CFAP54: variants seen among roughly 807,000 people sequenced by gnomAD.
The protein encoded by CFAP54 is cilia and flagella associated protein 54, also known as cilia- and flagella-associated protein 54.
In CFAP54, 290 loss-of-function variants were observed where a neutral mutation model predicts 370.4. The ratio of observed to expected loss-of-function variants is 0.78; its 90% CI spans 0.71 to 0.86. The LOEUF is 0.86. Ranked by LOEUF, CFAP54 falls within the 40% of genes least tolerant of loss-of-function variation. CFAP54 has a pLI of 0.00. For missense variants in CFAP54, 3,399 were observed against 3,528.7 expected (o/e 0.96, Z 0.93); for synonymous variants, 1,206 against 1,236.5 (o/e 0.98, Z 0.52).
rs75807875 is a variant in CFAP54, at chr12:96,592,915, G to A, written c.3360+278G>A. The stretch of plus-strand genomic sequence containing the variant: ...ATATATAATGTATAAAGTGAAACCC[G>A]TTGTAATCTTATTACCTCTAAGAAT... On this transcript the variant is annotated intron_variant, in intron 24 of 67. Coordinates refer to ENST00000524981, the MANE Select transcript of CFAP54 (RefSeq NM_001306084.2). 2.0e-5 allele frequency among the ~76,000 whole-genome samples: 3 copies of A among 151,946 alleles called. No homozygotes were observed. In the East Asian group the frequency reaches 5.8e-4, roughly 29 times the overall value.
intron 28 of CFAP54, 113 bp from the exon 29 acceptor site, chr12:96,625,605 G>C (rs1330246239): frequency 1.7e-6 from 1 of 574,758 alleles, no homozygotes. Flanking sequence ...AGAATAAATA[G>C]TATTTTCCTG....
chr12:96,639,573 A>G (rs2136485824), intron 32 of CFAP54, among the ~76,000 whole-genome samples: 1 of 152,358 alleles, frequency 6.6e-6, no homozygotes, highest in East Asian at 1.9e-4. Context: ...TCCCTAACTC[A>G]TTTTATGAGG....
intron 13 of CFAP54, among the ~76,000 whole-genome samples, chr12:96,539,088 T>TTTTTTTTTG (rs1955542493): frequency 6.8e-6 from 1 of 147,752 alleles, no homozygotes. Context: ...GTTTTTGTTT[T>TTTTTTTTTG]TGAGATGGAG....
intron 36 of CFAP54, among the ~76,000 whole-genome samples, chr12:96,656,309 CT>C (rs1221607135): frequency 3.9e-5 from 6 of 151,952 alleles, no homozygotes; most frequent in South Asian, 2.1e-4. Flanking sequence ...CTCCCCCCCC[CT>C]CCCCTTTTGG....
chr12:96,835,033 C>T lies in CFAP54; in HGVS notation c.9171+5945C>T, dbSNP rs766116587. ...CTTCTCTGCAGGCAGGTTGTCCTGT[C>T]GTCTCTGCAACTCTCAGCAGAGAGG... On this transcript the variant is annotated intron_variant, in intron 66 of 67. Coordinates refer to ENST00000524981, the MANE Select transcript of CFAP54 (RefSeq NM_001306084.2). 2.2e-3 allele frequency among the ~76,000 whole-genome samples: 337 copies of T among 152,014 alleles called. 1 individual carries two copies. The highest frequency in any genetic ancestry group is 5.3e-3 in the Admixed American group (81 of 15,276).
intron 9 of CFAP54, among the ~76,000 whole-genome samples, chr12:96,529,773 A>G (rs543557827): frequency 6.6e-6 from 1 of 152,208 alleles, no homozygotes; most frequent in South Asian, 2.1e-4. Flanking sequence ...TTCTTACTTG[A>G]TGGCTTGCCT....
intron 4 of CFAP54, among the ~76,000 whole-genome samples, chr12:96,507,534 T>TACACACACACACAC (rs34776926): frequency 6.3e-4 from 88 of 140,700 alleles, no homozygotes; most frequent in African/African-American, 2.2e-3. Context: ...CACACACACA[T>TACACACACACACAC]ACACACACAC....
chr12:96,845,345 C>T lies in CFAP54; in HGVS notation c.9172-15474C>T, dbSNP rs541120165. ...CACTAAATTAAATCTTCATGCCTGTCGTGGCTCCTGCATTGAGCCACCCAA... is the reference window on the plus strand; with the variant it reads ...CACTAAATTAAATCTTCATGCCTGTTGTGGCTCCTGCATTGAGCCACCCAA... On this transcript the variant is annotated intron_variant, in intron 66 of 67. Transcript: ENST00000524981. 2.6e-5 allele frequency among the ~76,000 whole-genome samples: 4 copies of T among 152,318 alleles called. No homozygotes were observed. In the East Asian group the frequency reaches 5.8e-4, roughly 22 times the overall value.
chr12:96,589,315 G>A lies in CFAP54; in HGVS notation c.3076-112G>A, dbSNP rs573890879. On this transcript the variant is annotated intron_variant, in intron 22 of 67. Transcript: ENST00000524981. ...GTGAATGATTGTATCTGAAATGAGC[G>A]TGTGATAGCACCTTATAAAATGCTG... 6.1e-4 allele frequency: 509 copies of A among 840,602 alleles called. 1 individual carries two copies. The African/African-American group carries it at 7.5e-3, about 12-fold the overall frequency. 52.1% of individuals were successfully genotyped at this position (840,602 alleles called of 1,614,324 possible). A position where few individuals can be genotyped will look rare whatever the true frequency, so the allele number is the denominator to read the frequency against.
At chr12:96,503,213 C>G (rs1469205185) in intron 2 of CFAP54, among the ~76,000 whole-genome samples, 1 of 145,212 alleles carries the variant, frequency 6.9e-6, no homozygotes. Context: ...TTCTTCCTTT[C>G]CTTTCCTTTT....
chr12:96,616,446 G>A lies in CFAP54; in HGVS notation c.3640-5144G>A, dbSNP rs188970283. Among the ~76,000 whole-genome samples, 986 of 152,226 alleles carry A rather than the reference G, an allele frequency of 6.5e-3. 10 individuals carry two copies. The highest frequency in any genetic ancestry group is 7.7e-3 in the Non-Finnish European group (526 of 68,004). ...TTAATGGGCGCAGCACACCAACATG[G>A]CACATGTAGACATACATAACAAAAC... On this transcript the variant is annotated intron_variant, in intron 26 of 67. Transcript: ENST00000524981.
intron 50 of CFAP54, among the ~76,000 whole-genome samples, chr12:96,733,525 C>T (rs1299930665): frequency 3.7e-5 from 5 of 133,738 alleles, no homozygotes; most frequent in Admixed American, 8.1e-5. Flanking sequence ...CTGCCTCTTT[C>T]TTTCAAAATC....
At chr12:96,571,476 C>G (rs112600249) in intron 19 of CFAP54, among the ~76,000 whole-genome samples, 37 of 152,134 alleles carry the variant, frequency 2.4e-4, no homozygotes, top group African/African-American at 8.7e-4. Context: ...AGTTACTGAA[C>G]CTTTCTAATT....
At chr12:96,626,688 A>C in intron 29 of CFAP54, 125 bp from the exon 30 acceptor site, 1 of 460,670 alleles carries the variant, frequency 2.2e-6, no homozygotes, top group Non-Finnish European at 3.6e-6. Flanking sequence ...TTTAAAATGG[A>C]GAAATCTAAA....
chr12:96,874,500 G>A (rs1211912097), intron 67 of CFAP54, among the ~76,000 whole-genome samples: 2 of 151,798 alleles, frequency 1.3e-5, no homozygotes, highest in Non-Finnish European at 2.9e-5. Flanking sequence ...TTAATATCAG[G>A]TTGCTTTTTT....
intron 32 of CFAP54, among the ~76,000 whole-genome samples, chr12:96,643,038 T>C (rs1215653691): frequency 2.6e-5 from 4 of 152,140 alleles, no homozygotes; most frequent in Non-Finnish European, 4.4e-5. Context: ...ATGCAACCGA[T>C]TGTTGACTCA....
At chr12:96,577,859 G>A (rs893667198) in intron 20 of CFAP54, among the ~76,000 whole-genome samples, 8 of 152,110 alleles carry the variant, frequency 5.3e-5, no homozygotes, top group African/African-American at 1.9e-4. Flanking sequence ...TCAGGGGTTC[G>A]AGACCATCCT....
intron 21 of CFAP54, 105 bp from the exon 22 acceptor site, chr12:96,580,815 G>T: frequency 2.0e-5 from 23 of 1,132,484 alleles, no homozygotes; most frequent in Non-Finnish European, 2.7e-5. Context: ...ATCCAACAAT[G>T]AAAGAAAAAG....
intron 32 of CFAP54, among the ~76,000 whole-genome samples, chr12:96,643,507 C>T (rs779112835): frequency 6.6e-6 from 1 of 151,408 alleles, no homozygotes; most frequent in Non-Finnish European, 1.5e-5. Flanking sequence ...GCTAACAGAA[C>T]AAAAAAAACT....
Sources: gnomAD v4.1 joint callset for allele counts (sites outside exome capture counted in the v4.1 genomes callset) on GRCh38, gnomAD v4.1.1 for gene constraint, MANE v1.5 for transcripts, NCBI Gene and HGNC (gene_info 2026-07-23, HGNC 2026-07-21) for gene names.